CALCR: variants seen among roughly 807,000 people sequenced by gnomAD.
CALCR encodes the protein calcitonin receptor.
A neutral mutation model predicts 59.5 loss-of-function variants in CALCR; 47 were observed. The observed-to-expected ratio is 0.79, with a 90% CI of 0.63 to 1.01. The LOEUF (loss-of-function observed/expected upper bound fraction) is 1.01, where lower values mean the gene tolerates loss of function less well. Ranked by LOEUF, CALCR falls within the 50% of genes least tolerant of loss-of-function variation. The pLI is 0.00. For missense variants in CALCR, 566 were observed against 597.1 expected, an observed-to-expected ratio of 0.95 and a Z score of 0.54; for synonymous variants, 213 against 211.3, an observed-to-expected ratio of 1.01 and a Z score of -0.07.
intron 2 of CALCR, among the ~76,000 whole-genome samples, chr7:93,562,438 C>A (rs577737245): frequency 5.7e-4 from 84 of 148,426 alleles, no homozygotes; most frequent in East Asian, 4.7e-3. Flanking sequence ...ACAACAACAA[C>A]AAAAAACAAT....
At chr7:93,499,808 A>G (rs564022835) in intron 2 of CALCR, among the ~76,000 whole-genome samples, 1 of 152,000 alleles carries the variant, frequency 6.6e-6, no homozygotes, top group African/African-American at 2.4e-5. Context: ...GCCATAAGTT[A>G]TAAACTCTTT....
At chr7:93,540,766 T>A in intron 2 of CALCR, among the ~76,000 whole-genome samples, 1 of 71,866 alleles carries the variant, frequency 1.4e-5, no homozygotes, top group South Asian at 5.6e-4. Context: ...TATAATATTA[T>A]ATTTATATAT....
At chr7:93,551,496 GT>G (rs1349493348) in intron 2 of CALCR, among the ~76,000 whole-genome samples, 4 of 152,198 alleles carry the variant, frequency 2.6e-5, no homozygotes, top group African/African-American at 7.2e-5. Context: ...TTCTTTACAG[GT>G]TTTTTTAGTG....
chr7:93,473,826 T>A (rs976163083), intron 5 of CALCR, among the ~76,000 whole-genome samples: 2 of 151,718 alleles, frequency 1.3e-5, no homozygotes, highest in Non-Finnish European at 2.9e-5. Context: ...GGCTTATTAT[T>A]TTTTCAATTA....
chr7:93,511,477 A>G (rs1179272696), intron 2 of CALCR, among the ~76,000 whole-genome samples: 1 of 152,172 alleles, frequency 6.6e-6, no homozygotes. Context: ...CTAGGCTTAC[A>G]TGGAGTTTTA....
At chr7:93,449,426 C>A (rs1168592689) in intron 8 of CALCR, among the ~76,000 whole-genome samples, 1 of 151,978 alleles carries the variant, frequency 6.6e-6, no homozygotes, top group African/African-American at 2.4e-5. Flanking sequence ...TAATGTATAT[C>A]TAGACTACAT....
chr7:93,553,712 C>T (rs924955862), intron 2 of CALCR, among the ~76,000 whole-genome samples: 14 of 152,012 alleles, frequency 9.2e-5, no homozygotes, highest in South Asian at 2.1e-4. Context: ...TGAGTACATG[C>T]GAAGTGCTTT....
chr7:93,534,435 C>T (rs1278211399), intron 2 of CALCR, among the ~76,000 whole-genome samples: 3 of 151,722 alleles, frequency 2.0e-5, no homozygotes, highest in Non-Finnish European at 4.4e-5. Context: ...TCTCTCTGGT[C>T]ACGAGTGCAT....
chr7:93,469,036 C>T (rs1800498133), intron 6 of CALCR, among the ~76,000 whole-genome samples: 1 of 151,782 alleles, frequency 6.6e-6, no homozygotes. Flanking sequence ...AGATGAAGTA[C>T]CTCATTCAAA....
intron 2 of CALCR, among the ~76,000 whole-genome samples, chr7:93,498,583 A>G (rs1801259309): frequency 6.6e-6 from 1 of 151,634 alleles, no homozygotes; most frequent in Non-Finnish European, 1.5e-5. Flanking sequence ...TGCATTTATT[A>G]GATGTGTTTC....
chr7:93,541,682 C>T (rs545198017), intron 2 of CALCR, among the ~76,000 whole-genome samples: 44 of 152,272 alleles, frequency 2.9e-4, no homozygotes, highest in African/African-American at 9.9e-4. Flanking sequence ...TATGTGCTAA[C>T]GTACAAAGAA....
intron 2 of CALCR, among the ~76,000 whole-genome samples, chr7:93,491,215 T>A (rs1801068348): frequency 6.6e-6 from 1 of 151,962 alleles, no homozygotes; most frequent in Non-Finnish European, 1.5e-5. Flanking sequence ...TGCAGAAAAC[T>A]AAAAATGGAC....
At chr7:93,480,691 C>T (rs576841272) in intron 3 of CALCR, among the ~76,000 whole-genome samples, 1 of 151,888 alleles carries the variant, frequency 6.6e-6, no homozygotes, top group Admixed American at 6.6e-5. Flanking sequence ...CTAAGCTGTC[C>T]AGCACAGAAT....
At chr7:93,551,635 C>T (rs988463605) in intron 2 of CALCR, among the ~76,000 whole-genome samples, 3 of 152,128 alleles carry the variant, frequency 2.0e-5, no homozygotes, top group Admixed American at 1.3e-4. Flanking sequence ...TCTACCATCC[C>T]CTGACCCTTT....
At chr7:93,442,724 G>A (rs1349714242) in intron 9 of CALCR, among the ~76,000 whole-genome samples, 1 of 152,144 alleles carries the variant, frequency 6.6e-6, no homozygotes, top group Non-Finnish European at 1.5e-5. Context: ...CAGAGTCACA[G>A]TCACCCATCA....
intron 2 of CALCR, among the ~76,000 whole-genome samples, chr7:93,525,067 T>A (rs1283073281): frequency 3.3e-5 from 5 of 152,184 alleles, no homozygotes; most frequent in African/African-American, 9.6e-5. Flanking sequence ...ACTGGGAAAG[T>A]CTTATGATCA....
intron 13 of CALCR, among the ~76,000 whole-genome samples, chr7:93,430,092 C>T (rs2282999): frequency 0.16 from 18,231 of 111,266 alleles, 1,483 homozygotes; most frequent in East Asian, 0.55. Context: ...CCACCAAGCC[C>T]GGCTAATTTT....
intron 12 of CALCR, 36 bp downstream of exon 12, chr7:93,435,916 A>C (rs1799766896): frequency 1.7e-6 from 2 of 1,147,524 alleles, no homozygotes; most frequent in African/African-American, 3.0e-5. Context: ...CTGAATAAGC[A>C]CAGTAGTTGA....
chr7:93,565,721 G>T (rs904625607), intron 2 of CALCR, among the ~76,000 whole-genome samples: 1 of 152,302 alleles, frequency 6.6e-6, no homozygotes, highest in Admixed American at 6.5e-5. Flanking sequence ...CCTGTAGAAG[G>T]CCCAGTGAAG....
Sources: gnomAD v4.1 joint callset for allele counts (sites outside exome capture counted in the v4.1 genomes callset) on GRCh38, gnomAD v4.1.1 for gene constraint, MANE v1.5 for transcripts, NCBI Gene and HGNC (gene_info 2026-07-23, HGNC 2026-07-21) for gene names.